Variants in PTGER3 observed in about 807,000 individuals in gnomAD.
PTGER3 encodes the protein prostaglandin E2 receptor EP3 subtype.
In PTGER3, 22 loss-of-function variants were observed where a neutral mutation model predicts 34.7. The ratio of observed to expected loss-of-function variants is 0.63; its 90% CI spans 0.45 to 0.91. The LOEUF is 0.91. Among genes scored for constraint, PTGER3 ranks in the 40% least tolerant of loss-of-function variants. The pLI is 0.00. For synonymous variants in PTGER3, 241 were observed against 230.1 expected (o/e 1.05, Z -0.43); for missense variants, 468 against 519.4 (o/e 0.90, Z 0.96).
chr1:70,943,371 G>T (rs1353706047), intron 4 of PTGER3, among the ~76,000 whole-genome samples: 1 of 151,990 alleles, frequency 6.6e-6, no homozygotes, highest in African/African-American at 2.4e-5. Flanking sequence ...TTTGATACAC[G>T]ATTTCATCAT....
In PTGER3 at chr1:71,046,919, C is replaced by G. The variant is rs769208250; in HGVS notation, c.659G>C (p.Ser220Thr). Residue 220 changes from serine to threonine, a missense_variant, in exon 1 of 4, where the codon AGC (serine) becomes ACC (threonine). Around this residue, in one of 5 missense-constraint regions of PTGER3, gnomAD observed 204 missense variants for 230.8 expected, o/e 0.88. Coordinates refer to ENST00000306666, the MANE Select transcript of PTGER3 (RefSeq NM_198719.2). ...AAGGTTGCCCCAGTTATGCGAAGAG[C>G]TAGTCCCGTTGCCCCCTCGCCCGGT... ...ISTGRGGNGT[S>T]SSHNWGNLFF... 29 of 1,610,126 alleles carry G rather than the reference C, an allele frequency of 1.8e-5. No individual in the cohort carries two copies. Among genetic ancestry groups the G allele is most frequent in the Non-Finnish European group, 2.2e-5 (26 of 1,178,184 alleles).
intron 2 of PTGER3, among the ~76,000 whole-genome samples, chr1:70,983,696 C>A (rs1437020464): frequency 6.6e-6 from 1 of 152,114 alleles, no homozygotes; most frequent in Non-Finnish European, 1.5e-5. Context: ...TCACATCCTG[C>A]CTTATCTTTT....
chr1:71,013,702 CAA>C (rs111381892), intron 1 of PTGER3, among the ~76,000 whole-genome samples: 58 of 105,510 alleles, frequency 5.5e-4, no homozygotes, highest in Admixed American at 6.1e-4. Flanking sequence ...AACTCTGTCT[CAA>C]AAAAAAAAAA....
intron 2 of PTGER3, chr1:71,009,939 T>G: frequency 2.0e-6 from 2 of 985,270 alleles, no homozygotes; most frequent in Non-Finnish European, 2.4e-6. Flanking sequence ...ATTTGGGATT[T>G]TCATTTCTTA....
At chr1:70,881,020 C>G (rs1249145329) in intron 4 of PTGER3, among the ~76,000 whole-genome samples, 1 of 152,212 alleles carries the variant, frequency 6.6e-6, no homozygotes, top group East Asian at 1.9e-4. Flanking sequence ...CTTGCTTTCT[C>G]TCCCTTTCCT....
At chr1:70,880,776 G>A (rs1020412995) in intron 4 of PTGER3, among the ~76,000 whole-genome samples, 2 of 151,646 alleles carry the variant, frequency 1.3e-5, no homozygotes, top group African/African-American at 2.4e-5. Context: ...AAGTTCCACT[G>A]TTAGCTTGAT....
At chr1:70,898,053 T>A (rs1241872049) in intron 4 of PTGER3, among the ~76,000 whole-genome samples, 1 of 152,060 alleles carries the variant, frequency 6.6e-6, no homozygotes, top group Non-Finnish European at 1.5e-5. Context: ...AAGGTCTCTA[T>A]GGATATTTTT....
At chr1:70,915,473 G>C (rs1647154969) in intron 4 of PTGER3, among the ~76,000 whole-genome samples, 2 of 151,918 alleles carry the variant, frequency 1.3e-5, no homozygotes, top group African/African-American at 4.8e-5. Flanking sequence ...GTTGCAAACA[G>C]AGCATACTGG....
chr1:70,993,247 A>G (rs1028704948), intron 2 of PTGER3, among the ~76,000 whole-genome samples: 2 of 152,224 alleles, frequency 1.3e-5, no homozygotes, highest in African/African-American at 4.8e-5. Flanking sequence ...AAGCAGATGT[A>G]TCACAGATGG....
chr1:71,024,936 T>G (rs1252908586), intron 1 of PTGER3, among the ~76,000 whole-genome samples: 1 of 151,364 alleles, frequency 6.6e-6, no homozygotes, highest in African/African-American at 2.4e-5. Context: ...ATACTTTAAG[T>G]TTTAGGGTGC....
chr1:70,952,858 G>A, exon 4 of PTGER3: 2 of 1,529,094 alleles, frequency 1.3e-6, no homozygotes, highest in Middle Eastern at 1.8e-4. Context: ...CTCAGCTGGA[G>A]GAGCTTGCTT....
intron 1 of PTGER3, among the ~76,000 whole-genome samples, chr1:71,020,822 C>G (rs1220815208): frequency 6.6e-6 from 1 of 151,878 alleles, no homozygotes; most frequent in Non-Finnish European, 1.5e-5. Context: ...AAGTCTGACT[C>G]AATTCTGCTT....
rs368771384 is a variant in PTGER3, at chr1:70,964,176, G to A, written c.1078-10387C>T. Among the ~76,000 whole-genome samples the A allele has an allele frequency of 7.2e-5, 11 of 152,116 alleles. No homozygotes were observed. In the South Asian group the frequency reaches 8.3e-4, roughly 11 times the overall value. On this transcript the variant is annotated intron_variant, in intron 2 of 3. Transcript: ENST00000356595. ...TCTCTAGGAAGTTCCATACTTTCCC[G>A]CATCTTTCTGTCCTCTGAGCCCTCC... is the stretch of plus-strand genomic sequence containing the variant.
At chr1:71,042,133 T>C (rs1202276959) in intron 1 of PTGER3, among the ~76,000 whole-genome samples, 2 of 152,028 alleles carry the variant, frequency 1.3e-5, no homozygotes, top group African/African-American at 4.8e-5. Flanking sequence ...TTAAGAAGTG[T>C]TTAATTCTTG....
chr1:70,955,696 A>G (rs1330287247), intron 2 of PTGER3, among the ~76,000 whole-genome samples: 1 of 152,168 alleles, frequency 6.6e-6, no homozygotes. Context: ...GGAAATAAAA[A>G]AAGTTTTATA....
chr1:70,988,647 A>C lies in PTGER3; in HGVS notation c.1078-14259T>G, dbSNP rs184778298. ...CTAGAAATAGCTCCAATCTCTGATAACCAGGAAGTAGCCAGATCAGCCCTG... is the reference window on the plus strand; with the variant it reads ...CTAGAAATAGCTCCAATCTCTGATACCCAGGAAGTAGCCAGATCAGCCCTG... On this transcript the variant is annotated intron_variant, in intron 2 of 3. Transcript: ENST00000306666. Among the ~76,000 whole-genome samples, 23 of 152,326 alleles carry C rather than the reference A, an allele frequency of 1.5e-4. 1 individual carries two copies. The highest frequency in any genetic ancestry group is 5.1e-4 in the African/African-American group (21 of 41,560).
chr1:71,011,663 G>C (rs1203934996), intron 2 of PTGER3: 11 of 977,758 alleles, frequency 1.1e-5, no homozygotes, highest in Non-Finnish European at 1.2e-5. Flanking sequence ...GTTAGGTTAG[G>C]AGCTAATTTG....
chr1:71,044,867 G>C (rs1660621994), intron 1 of PTGER3, among the ~76,000 whole-genome samples: 1 of 152,112 alleles, frequency 6.6e-6, no homozygotes, highest in South Asian at 2.1e-4. Context: ...CAAACTCAAA[G>C]ATGTGGGACT....
At chr1:71,011,175 C>T (rs1401612733) in intron 2 of PTGER3, 1 of 985,340 alleles carries the variant, frequency 1.0e-6, no homozygotes, top group East Asian at 1.1e-4. Flanking sequence ...GGTTTGTATT[C>T]ATGTAGACTG....
Sources: gnomAD v4.1 joint callset for allele counts (sites outside exome capture counted in the v4.1 genomes callset) on GRCh38, gnomAD v4.1.1 for gene constraint, gnomAD v4.1.1 regional missense constraint, MANE v1.5 for transcripts, NCBI Gene and HGNC (gene_info 2026-07-23, HGNC 2026-07-21) for gene names.